The following SAMD3 variants were observed in gnomAD, a reference collection of about 807,000 sequenced individuals.
SAMD3 encodes the protein sterile alpha motif domain containing 3.
Under a neutral mutation model 58.5 loss-of-function variants are expected in SAMD3, and 63 were observed. The observed-to-expected ratio is 1.08, with a 90% CI of 0.88 to 1.33. The LOEUF (loss-of-function observed/expected upper bound fraction) is 1.33, where lower values mean the gene tolerates loss of function less well. SAMD3 is among the 40% of genes most tolerant of loss of function. The pLI is 0.00. For missense variants in SAMD3, 604 were observed against 608.4 expected, an observed-to-expected ratio of 0.99 and a Z score of 0.08; for synonymous variants, 220 against 210.3, an observed-to-expected ratio of 1.05 and a Z score of -0.40.
intron 2 of SAMD3, among the ~76,000 whole-genome samples, chr6:130,243,458 A>G (rs1773433792): frequency 6.6e-6 from 1 of 152,182 alleles, no homozygotes. Flanking sequence ...TGGAACTGAC[A>G]TCTAAAGTAC....
chr6:130,302,601 T>G (rs1332702331), intron 2 of SAMD3, among the ~76,000 whole-genome samples: 1 of 152,110 alleles, frequency 6.6e-6, no homozygotes, highest in Non-Finnish European at 1.5e-5. Context: ...GAAAATAAAT[T>G]GTTTTATCAA....
chr6:130,199,449 G>C (rs1794439440), intron 5 of SAMD3, among the ~76,000 whole-genome samples: 1 of 152,172 alleles, frequency 6.6e-6, no homozygotes, highest in Non-Finnish European at 1.5e-5. Context: ...AGAAGCCAGG[G>C]GAGGCTTAGA....
intron 2 of SAMD3, 104 bp downstream of exon 2, chr6:130,216,467 G>A (rs935446014): frequency 3.3e-5 from 5 of 152,078 alleles, no homozygotes; most frequent in African/African-American, 1.2e-4. Context: ...ATTGATGGAA[G>A]TTTTAAATGG....
chr6:130,210,272 C>G (rs1050268240), intron 4 of SAMD3, among the ~76,000 whole-genome samples: 11 of 152,186 alleles, frequency 7.2e-5, no homozygotes, highest in Non-Finnish European at 1.6e-4. Flanking sequence ...GCTAAATATC[C>G]TGCCCAGATG....
chr6:130,228,115 A>C (rs1197379957), intron 2 of SAMD3, among the ~76,000 whole-genome samples: 1 of 152,202 alleles, frequency 6.6e-6, no homozygotes, highest in African/African-American at 2.4e-5. Flanking sequence ...GTGTGTTTCC[A>C]TCCTTGTATT....
intron 1 of SAMD3, among the ~76,000 whole-genome samples, chr6:130,351,318 A>T (rs1190048423): frequency 2.0e-5 from 3 of 152,230 alleles, no homozygotes; most frequent in Admixed American, 1.3e-4. Flanking sequence ...AATTTTTGCA[A>T]TCTACTCGTC....
chr6:130,315,735 T>C (rs1198627447), intron 1 of SAMD3, among the ~76,000 whole-genome samples: 3 of 152,200 alleles, frequency 2.0e-5, no homozygotes, highest in South Asian at 2.1e-4. Context: ...ACATTTTGCA[T>C]AGTATTTTTA....
chr6:130,171,118 T>C (rs1188215465), intron 8 of SAMD3, among the ~76,000 whole-genome samples: 1 of 152,240 alleles, frequency 6.6e-6, no homozygotes, highest in Non-Finnish European at 1.5e-5. Context: ...GTTCCATCAA[T>C]ACCTAGGTTA....
intron 8 of SAMD3, among the ~76,000 whole-genome samples, chr6:130,168,151 T>C (rs1172341602): frequency 6.6e-6 from 1 of 152,138 alleles, no homozygotes. Flanking sequence ...AAATCCACCC[T>C]GGCCAGGCGC....
At chr6:130,309,400 A>T (rs1021186922) in intron 2 of SAMD3, among the ~76,000 whole-genome samples, 2 of 152,226 alleles carry the variant, frequency 1.3e-5, no homozygotes, top group African/African-American at 2.4e-5. Flanking sequence ...AGCAGATCAG[A>T]TGGTATTATA....
chr6:130,294,909 ATTTTTTTTTTTTT>A (rs774036634), intron 2 of SAMD3, among the ~76,000 whole-genome samples: 784 of 56,178 alleles, frequency 0.014, 10 homozygotes, highest in Middle Eastern at 0.026. Context: ...CATTTCTCTG[ATTTTTTTTTTTTT>A]TTTTTTTTTT....
chr6:130,210,095 G>A (rs1795400965), intron 4 of SAMD3, among the ~76,000 whole-genome samples: 1 of 152,222 alleles, frequency 6.6e-6, no homozygotes, highest in Non-Finnish European at 1.5e-5. Context: ...AGAAGGCAGA[G>A]CAACTCCTGG....
intron 1 of SAMD3, among the ~76,000 whole-genome samples, chr6:130,316,186 G>A (rs1201874359): frequency 2.6e-5 from 4 of 151,696 alleles, no homozygotes; most frequent in South Asian, 2.1e-4. Context: ...AGCTACTCGC[G>A]AGGCTGAGGC....
intron 2 of SAMD3, among the ~76,000 whole-genome samples, chr6:130,309,906 TTAC>T (rs917990676): frequency 6.6e-6 from 1 of 152,108 alleles, no homozygotes; most frequent in African/African-American, 2.4e-5. Context: ...AAGCAATCAC[TTAC>T]TAATATCATA....
chr6:130,238,699 T>C (rs1175279051), intron 2 of SAMD3, among the ~76,000 whole-genome samples: 1 of 152,162 alleles, frequency 6.6e-6, no homozygotes, highest in African/African-American at 2.4e-5. Flanking sequence ...CTTGGCCATA[T>C]GTGGACCAGG....
At chr6:130,147,114 C>T (rs1361920659) in intron 9 of SAMD3, among the ~76,000 whole-genome samples, 1 of 152,172 alleles carries the variant, frequency 6.6e-6, no homozygotes, top group Non-Finnish European at 1.5e-5. Flanking sequence ...TCAGAGGATT[C>T]CACCACCACT....
At chr6:130,218,803 G>GT (rs1796107054) in intron 1 of SAMD3, among the ~76,000 whole-genome samples, 1 of 151,764 alleles carries the variant, frequency 6.6e-6, no homozygotes, top group Admixed American at 6.6e-5. Context: ...TGAACTCAAA[G>GT]TAAAAAAAAC....
At chr6:130,353,164 C>A (rs907747016) in intron 1 of SAMD3, among the ~76,000 whole-genome samples, 1 of 152,170 alleles carries the variant, frequency 6.6e-6, no homozygotes, top group Admixed American at 6.5e-5. Flanking sequence ...GACAGAAGAT[C>A]CAGTGATGGA....
upstream of SAMD3, among the ~76,000 whole-genome samples, chr6:130,224,262 G>C (rs186494404): frequency 1.3e-5 from 2 of 152,084 alleles, no homozygotes; most frequent in African/African-American, 2.4e-5. Flanking sequence ...GGTTTTTATA[G>C]GCAGAGGATG....
Sources: allele counts gnomAD v4.1 joint callset (sites outside exome capture counted in the v4.1 genomes callset), GRCh38; gene constraint gnomAD v4.1.1; transcripts MANE v1.5; gene names NCBI Gene and HGNC (gene_info 2026-07-23, HGNC 2026-07-21).